The following CRIM1 variants were observed in gnomAD, a reference collection of about 807,000 sequenced individuals.
CRIM1 encodes the protein cysteine rich transmembrane BMP regulator 1, also known as cysteine-rich motor neuron 1 protein.
Under a neutral mutation model 116.4 loss-of-function variants are expected in CRIM1, and 32 were observed. The observed-to-expected ratio is 0.27, with a 90% CI of 0.21 to 0.37. The LOEUF (loss-of-function observed/expected upper bound fraction) is 0.37, where lower values mean the gene tolerates loss of function less well. Among genes scored for constraint, CRIM1 ranks in the 10% least tolerant of loss-of-function variants. The pLI is 1.00. For missense variants in CRIM1, 1,331 were observed against 1,354.8 expected, an observed-to-expected ratio of 0.98 and a Z score of 0.28; for synonymous variants, 590 against 509.2, an observed-to-expected ratio of 1.16 and a Z score of -2.13.
At chr2:36,490,192 C>T (rs2125067225) in intron 7 of CRIM1, among the ~76,000 whole-genome samples, 1 of 152,268 alleles carries the variant, frequency 6.6e-6, no homozygotes, top group East Asian at 1.9e-4. Context: ...TTACCTGAGA[C>T]CAGTTATAGC....
At chr2:36,444,263 T>C (rs1335692439) in intron 4 of CRIM1, among the ~76,000 whole-genome samples, 1 of 151,954 alleles carries the variant, frequency 6.6e-6, no homozygotes, top group Non-Finnish European at 1.5e-5. Context: ...CTCTAGGGGG[T>C]TGAAATGGGT....
In CRIM1 at chr2:36,550,057, G is replaced by T. The variant is rs1468470999; in HGVS notation, c.*1356G>T. ...AGAGTATGTATGTGTGTGTGTGTGT[G>T]TGTGTGTGTGCGCGCGCACGCACGC... On this transcript the variant is annotated 3_prime_UTR_variant, in exon 17 of 17. Coordinates refer to ENST00000280527, the MANE Select transcript of CRIM1 (RefSeq NM_016441.3). 6.7e-6 allele frequency: 1 copy of T among 149,334 alleles called. No individual in the cohort carries two copies. Among genetic ancestry groups the T allele is most frequent in the East Asian group, 2.0e-4 (1 of 5,082 alleles). The allele number at this position is 149,334 out of a possible 1,614,324, so 9.3% of individuals were successfully genotyped here. A position where few individuals can be genotyped will look rare whatever the true frequency, so the allele number is the denominator to read the frequency against.
intron 7 of CRIM1, among the ~76,000 whole-genome samples, chr2:36,498,535 A>G (rs1558371950): frequency 6.6e-6 from 1 of 152,196 alleles, no homozygotes; most frequent in Non-Finnish European, 1.5e-5. Flanking sequence ...CTTCATTAAT[A>G]TGGTAAAGCG....
Position 36,547,163 on chromosome 2 carries a change from C to G in CRIM1, c.2926C>G (p.Pro976Ala), listed in dbSNP as rs1667410047. Residue 976 changes from proline to alanine, a missense_variant, in exon 16 of 17, where the codon CCA (proline) becomes GCA (alanine). Coordinates refer to ENST00000280527, the MANE Select transcript of CRIM1 (RefSeq NM_016441.3). ...WIPLLCWYRT[P>A]TKPSSLNNQL... Reference sequence around the variant, plus strand: ...ACCACTGCTTTGCTGGTATCGAACACCAACTAAGGTACTGTCTTGCAAAAG... The same window carrying G: ...ACCACTGCTTTGCTGGTATCGAACAGCAACTAAGGTACTGTCTTGCAAAAG... 1 of 1,610,918 alleles carries G rather than the reference C, an allele frequency of 6.2e-7. No homozygotes were observed.
rs543103854 is a variant in CRIM1, at chr2:36,411,044, A to G, written c.505+14257A>G. On this transcript the variant is annotated intron_variant, in intron 2 of 16. Transcript: ENST00000280527. ...ACTAGTCAGGGTTCTAAACTGCCTA[A>G]ATAAATATCTTGCATATAACATCTA... is the stretch of plus-strand genomic sequence containing the variant. 2.0e-5 allele frequency among the ~76,000 whole-genome samples: 3 copies of G among 152,272 alleles called. No individual in the cohort carries two copies. In the East Asian group the frequency reaches 5.8e-4, roughly 29 times the overall value.
intron 11 of CRIM1, among the ~76,000 whole-genome samples, chr2:36,516,022 A>G (rs1312887571): frequency 2.6e-5 from 4 of 152,216 alleles, no homozygotes; most frequent in Admixed American, 2.6e-4. Flanking sequence ...TTGCTTGTGA[A>G]TGTAAGCATT....
chr2:36,408,541 C>T (rs1473461359), intron 2 of CRIM1, among the ~76,000 whole-genome samples: 3 of 152,208 alleles, frequency 2.0e-5, no homozygotes, highest in Admixed American at 6.5e-5. Flanking sequence ...GGAGACCACT[C>T]CCCATGGCAG....
chr2:36,506,785 G>A (rs1681462253), intron 8 of CRIM1, among the ~76,000 whole-genome samples: 2 of 152,006 alleles, frequency 1.3e-5, no homozygotes, highest in African/African-American at 4.8e-5. Context: ...ATGTACTAAA[G>A]CTTTACAAAC....
intron 1 of CRIM1, among the ~76,000 whole-genome samples, chr2:36,362,629 G>A (rs1213813897): frequency 6.6e-6 from 1 of 152,014 alleles, no homozygotes; most frequent in African/African-American, 2.4e-5. Context: ...GCAGTAGCCT[G>A]GTCACATCTT....
chr2:36,420,941 T>C (rs149281717), intron 2 of CRIM1, among the ~76,000 whole-genome samples: 315 of 152,304 alleles, frequency 2.1e-3, no homozygotes, highest in African/African-American at 7.0e-3. Flanking sequence ...CCTGCCTGTT[T>C]TGCCTCATTC....
At chr2:36,495,475 A>ATTTTTTTTTTTT (rs1024205619) in intron 7 of CRIM1, among the ~76,000 whole-genome samples, 26 of 129,640 alleles carry the variant, frequency 2.0e-4, no homozygotes, top group Non-Finnish European at 3.2e-4. Context: ...TTATTTATTT[A>ATTTTTTTTTTTT]TTTTTTTTTT....
In CRIM1 at chr2:36,488,954, G is replaced by A. The variant is rs79619149; in HGVS notation, c.1372+9260G>A. Among the ~76,000 whole-genome samples, 1,023 of 152,178 alleles carry A rather than the reference G, an allele frequency of 6.7e-3. 20 individuals are homozygous for A. The highest frequency in any genetic ancestry group is 0.024 in the African/African-American group (982 of 41,526). On this transcript the variant is annotated intron_variant, in intron 7 of 16. Coordinates refer to ENST00000280527, the MANE Select transcript of CRIM1 (RefSeq NM_016441.3). Reference sequence around the variant, plus strand: ...AGAGTTGATTTGCAAGCCACCGCTCGACCAGCACCAGAACTCAAAGCATGC... The same window carrying A: ...AGAGTTGATTTGCAAGCCACCGCTCAACCAGCACCAGAACTCAAAGCATGC...
intron 5 of CRIM1, among the ~76,000 whole-genome samples, chr2:36,469,006 T>G (rs1441532874): frequency 6.6e-6 from 1 of 152,246 alleles, no homozygotes; most frequent in African/African-American, 2.4e-5. Context: ...GTATTGTTAT[T>G]GGATAGAAGC....
intron 4 of CRIM1, among the ~76,000 whole-genome samples, chr2:36,452,761 G>T (rs1350932187): frequency 6.6e-6 from 1 of 152,090 alleles, no homozygotes; most frequent in Admixed American, 6.5e-5. Context: ...AAAACAAGCA[G>T]GGAAGGCTCT....
At chr2:36,465,810 T>G (rs974945670) in intron 5 of CRIM1, among the ~76,000 whole-genome samples, 2 of 152,192 alleles carry the variant, frequency 1.3e-5, no homozygotes, top group African/African-American at 4.8e-5. Flanking sequence ...TAAAATGGAC[T>G]GAATAACAGT....
chr2:36,439,675 T>A (rs1675629136), intron 2 of CRIM1, among the ~76,000 whole-genome samples: 1 of 152,138 alleles, frequency 6.6e-6, no homozygotes, highest in South Asian at 2.1e-4. Context: ...CTTCAAGTCT[T>A]TGTTCAGCCG....
intron 2 of CRIM1, among the ~76,000 whole-genome samples, chr2:36,405,828 T>A (rs899416926): frequency 6.6e-6 from 1 of 152,176 alleles, no homozygotes; most frequent in African/African-American, 2.4e-5. Flanking sequence ...AATTAAAAAA[T>A]TTTTTTCTCA....
intron 12 of CRIM1, among the ~76,000 whole-genome samples, chr2:36,517,789 A>G (rs138016845): frequency 3.0e-4 from 46 of 152,190 alleles, no homozygotes; most frequent in South Asian, 2.1e-3. Flanking sequence ...GCTCTTGCCA[A>G]TTTTTTTCCT....
At chr2:36,413,675 C>G (rs1009881606) in intron 2 of CRIM1, among the ~76,000 whole-genome samples, 6 of 152,194 alleles carry the variant, frequency 3.9e-5, no homozygotes, top group Non-Finnish European at 8.8e-5. Flanking sequence ...AGTCAGCGAT[C>G]TCTTATTTTG....
Sources: allele counts gnomAD v4.1 joint callset (sites outside exome capture counted in the v4.1 genomes callset), GRCh38; gene constraint gnomAD v4.1.1; transcripts MANE v1.5; gene names NCBI Gene and HGNC (gene_info 2026-07-23, HGNC 2026-07-21).